The following CACNA1B variants were observed in gnomAD, a reference collection of about 807,000 sequenced individuals.
The protein encoded by CACNA1B is calcium voltage-gated channel subunit alpha1 B, also known as voltage-dependent N-type calcium channel subunit alpha-1B.
Under a neutral mutation model 247.2 loss-of-function variants are expected in CACNA1B, and 70 were observed. The ratio of observed to expected loss-of-function variants is 0.28; its 90% CI spans 0.23 to 0.35. The LOEUF is 0.35. Ranked by LOEUF, CACNA1B falls within the 10% of genes least tolerant of loss-of-function variation. The pLI is 1.00. For synonymous variants in CACNA1B, 1,231 were observed against 1,294.4 expected, an observed-to-expected ratio of 0.95 and a Z score of 1.05; for missense variants, 2,367 against 3,197.4, an observed-to-expected ratio of 0.74 and a Z score of 6.26.
chr9:137,916,147 C>T (rs1265069789), intron 5 of CACNA1B, among the ~76,000 whole-genome samples: 1 of 151,712 alleles, frequency 6.6e-6, no homozygotes, highest in Admixed American at 6.6e-5. Context: ...ATTCTCCTGC[C>T]TCAGCCTCCC....
chr9:137,939,082 AAGAG>A (rs1390246232), intron 6 of CACNA1B, among the ~76,000 whole-genome samples: 7 of 152,142 alleles, frequency 4.6e-5, no homozygotes, highest in Non-Finnish European at 7.4e-5. Flanking sequence ...AAGAAAAAAA[AAGAG>A]AGAGAAATGA....
chr9:138,049,857 C>T (rs1180304093), intron 24 of CACNA1B, among the ~76,000 whole-genome samples: 1 of 152,214 alleles, frequency 6.6e-6, no homozygotes, highest in Non-Finnish European at 1.5e-5. Flanking sequence ...ATGGAGTTGG[C>T]TTCCTCAGAT....
chr9:137,969,444 G>T (rs1427245431), intron 10 of CACNA1B, among the ~76,000 whole-genome samples: 1 of 152,184 alleles, frequency 6.6e-6, no homozygotes, highest in Non-Finnish European at 1.5e-5. Context: ...CATTGTGAAA[G>T]GGCAGCATTT....
At chr9:138,097,436 A>T (rs1961092015) in intron 37 of CACNA1B, among the ~76,000 whole-genome samples, 1 of 152,120 alleles carries the variant, frequency 6.6e-6, no homozygotes, top group Admixed American at 6.5e-5. Flanking sequence ...TGGCTTCTCC[A>T]TCTTTCTGTT....
At chr9:138,087,428 AAAAG>A (rs1328052450) in intron 36 of CACNA1B, among the ~76,000 whole-genome samples, 1 of 148,594 alleles carries the variant, frequency 6.7e-6, no homozygotes, top group Non-Finnish European at 1.5e-5. Context: ...AGAAAAGAGA[AAAAG>A]AAGCCTGGGC....
chr9:138,023,619 G>GCGC lies in CACNA1B; in HGVS notation c.2878_2879insCCG (p.Arg959_Gly960insAla), dbSNP rs1459517017. On this transcript the variant is annotated inframe_insertion, in exon 19 of 47. Coordinates refer to ENST00000371372, the MANE Select transcript of CACNA1B (RefSeq NM_000718.4). Reference sequence around the variant, plus strand: ...AAGGGCGAGCGGCGCGCGCGGCACCGCGGCGGCCCCCGAGCGGGGCCCCGG... The same window carrying GCGC: ...AAGGGCGAGCGGCGCGCGCGGCACCGCGCCGGCGGCCCCCGAGCGGGGCCCCGG... 24 of 1,194,218 alleles carry GCGC rather than the reference G, an allele frequency of 2.0e-5. No homozygotes were observed. The highest frequency in any genetic ancestry group is 2.3e-5 in the Non-Finnish European group (22 of 959,750). 74.0% of individuals were successfully genotyped at this position (1,194,218 alleles called of 1,614,324 possible).
intron 18 of CACNA1B, among the ~76,000 whole-genome samples, chr9:138,015,920 TCA>T (rs372575331): frequency 2.6e-5 from 4 of 151,082 alleles, no homozygotes; most frequent in South Asian, 2.1e-4. Context: ...ACACTGACAC[TCA>T]CACACACACA....
intron 3 of CACNA1B, among the ~76,000 whole-genome samples, chr9:137,897,320 T>C (rs993797719): frequency 6.6e-6 from 1 of 152,104 alleles, no homozygotes; most frequent in Non-Finnish European, 1.5e-5. Context: ...TGGCTCATGG[T>C]TGTAATCCCA....
intron 1 of CACNA1B, 47 bp from the exon 2 acceptor site, chr9:137,879,007 T>C: frequency 1.6e-6 from 2 of 1,286,568 alleles, no homozygotes; most frequent in Non-Finnish European, 2.2e-6. Flanking sequence ...GTCGGCCTCG[T>C]GTTTCCCTCC....
chr9:138,052,261 T>TGTGTGTGTGTGG lies in CACNA1B; in HGVS notation c.3807+75_3807+76insGTGTGTGTGGGT. 1.2e-6 allele frequency: 1 copy of TGTGTGTGTGTGG among 818,262 alleles called. No individual in the cohort carries two copies. The highest frequency in any genetic ancestry group is 2.7e-5 in the East Asian group (1 of 37,588). 50.7% of individuals were successfully genotyped at this position (818,262 alleles called of 1,614,324 possible). A position where few individuals can be genotyped will look rare whatever the true frequency, so the allele number is the denominator to read the frequency against. ...GTGTGTGTGTGTGCGTGTGTGTGTG[T>TGTGTGTGTGTGG]GTATGCATGCAGTGCATGAGTGTGT... On this transcript the variant is annotated intron_variant, in intron 25 of 46. Coordinates refer to ENST00000371372, the MANE Select transcript of CACNA1B (RefSeq NM_000718.4). This position sits in a 1 kb window ranked among gnomAD's most constrained non-coding sequence, Gnocchi z 5.1.
intron 36 of CACNA1B, among the ~76,000 whole-genome samples, chr9:138,091,976 C>A (rs1031820098): frequency 6.6e-6 from 1 of 152,100 alleles, no homozygotes; most frequent in Non-Finnish European, 1.5e-5. Flanking sequence ...GCAAAACCAG[C>A]AAGTTTTTAT....
chr9:137,949,168 T>G (rs1334429514), intron 6 of CACNA1B, among the ~76,000 whole-genome samples: 49 of 1,074 alleles, frequency 0.046, no homozygotes, highest in Non-Finnish European at 0.073. Context: ...GTGTGTGCGC[T>G]TGTGTGTCCA....
intron 32 of CACNA1B, among the ~76,000 whole-genome samples, chr9:138,071,425 G>A (rs933160387): frequency 1.8e-4 from 28 of 152,340 alleles, no homozygotes; most frequent in Non-Finnish European, 3.4e-4. Context: ...GGTGCACGGC[G>A]TGGCGCTGCG....
intron 39 of CACNA1B, 63 bp downstream of exon 39, chr9:138,105,870 G>A: frequency 1.1e-6 from 1 of 906,686 alleles, no homozygotes; most frequent in South Asian, 1.4e-5. Flanking sequence ...CGCCCTCAGT[G>A]TCAGCCCCAG....
In CACNA1B at chr9:137,990,926, C is replaced by T. The variant is rs1363336283; in HGVS notation, c.1974+4072C>T. Among the ~76,000 whole-genome samples the T allele has an allele frequency of 2.0e-5, 3 of 152,202 alleles. No individual in the cohort carries two copies. The highest frequency in any genetic ancestry group is 4.4e-5 in the Non-Finnish European group (3 of 68,040). On this transcript the variant is annotated intron_variant, in intron 15 of 46. Coordinates refer to ENST00000371372, the MANE Select transcript of CACNA1B (RefSeq NM_000718.4). The surrounding 1 kb of genome is among the most constrained non-coding windows in gnomAD (Gnocchi z 4.5). ...GGGAGAACACCACATCAAGGGAGCACCCCCAAGATAAGAGAACAGCAGCCC... is the reference window on the plus strand; with the variant it reads ...GGGAGAACACCACATCAAGGGAGCATCCCCAAGATAAGAGAACAGCAGCCC...
intron 21 of CACNA1B, among the ~76,000 whole-genome samples, chr9:138,044,538 A>G (rs1445429351): frequency 6.6e-6 from 1 of 152,272 alleles, no homozygotes; most frequent in African/African-American, 2.4e-5. Flanking sequence ...AAAGCAAGGC[A>G]TGGAGATGCG....
chr9:138,109,447 C>G (rs765622470), intron 39 of CACNA1B, among the ~76,000 whole-genome samples: 2 of 152,254 alleles, frequency 1.3e-5, no homozygotes, highest in Non-Finnish European at 2.9e-5. Context: ...GGCCTCTTCT[C>G]TTGGCTGGTA....
At position 138,121,060 on chromosome 9, in the gene CACNA1B, C is replaced by A. The variant is rs896994243; in HGVS notation, c.6489+179C>A. On this transcript the variant is annotated intron_variant, in intron 46 of 46. Coordinates refer to ENST00000371372, the MANE Select transcript of CACNA1B (RefSeq NM_000718.4). This position sits in a 1 kb window ranked among gnomAD's most constrained non-coding sequence, Gnocchi z 6.8. ...CCGGAGCCCACGTCTGCAGCCTACCCCAGCTGTGTTCTCATCAAGCTCCTG... is the reference window on the plus strand; with the variant it reads ...CCGGAGCCCACGTCTGCAGCCTACCACAGCTGTGTTCTCATCAAGCTCCTG... Among the ~76,000 whole-genome samples, 1 of 152,176 alleles carries A rather than the reference C, an allele frequency of 6.6e-6. No homozygotes were observed. Among genetic ancestry groups the A allele is most frequent in the Non-Finnish European group, 1.5e-5 (1 of 68,010 alleles).
At chr9:138,080,141 A>C (rs887008686) in intron 36 of CACNA1B, among the ~76,000 whole-genome samples, 1 of 152,216 alleles carries the variant, frequency 6.6e-6, no homozygotes, top group Non-Finnish European at 1.5e-5. Context: ...TTCACTCCTC[A>C]GTACAAGGGT....
Sources: allele counts gnomAD v4.1 joint callset (sites outside exome capture counted in the v4.1 genomes callset), GRCh38; gene constraint gnomAD v4.1.1; non-coding constraint Gnocchi (gnomAD v3.1); transcripts MANE v1.5; gene names NCBI Gene and HGNC (gene_info 2026-07-23, HGNC 2026-07-21).